Variants in MPRIP observed in about 807,000 individuals in gnomAD.
MPRIP encodes the protein myosin phosphatase Rho-interacting protein.
Under a neutral mutation model 234.9 loss-of-function variants are expected in MPRIP, and 59 were observed. The ratio of observed to expected loss-of-function variants is 0.25; its 90% CI spans 0.20 to 0.31. The LOEUF (loss-of-function observed/expected upper bound fraction) is 0.31, where lower values mean the gene tolerates loss of function less well. Ranked by LOEUF, MPRIP falls within the 10% of genes least tolerant of loss-of-function variation. The pLI is 1.00. For synonymous variants in MPRIP, 1,144 were observed against 1,263.9 expected, an observed-to-expected ratio of 0.91 and a Z score of 2.01; for missense variants, 2,436 against 3,071.0, an observed-to-expected ratio of 0.79 and a Z score of 4.89.
rs1233733897 is a variant in MPRIP, at chr17:17,158,619, C to T, written c.2017C>T (p.Leu673=). The part of the protein sequence containing the change: ...WAEFRPIQQA[L]AQERVGGVGP... ...TGAGTTCCGTCCCATCCAGCAGGCC[C>T]TGGCTCAGGAGCGGGTGGGCGGCGT... is the stretch of plus-strand genomic sequence containing the variant. The change falls in exon 14 of 24, where the codon CTG becomes TTG. Residue 673 remains leucine (L), a synonymous_variant. Coordinates refer to ENST00000651222, the MANE Select transcript of MPRIP (RefSeq NM_001364716.4). 6.2e-7 allele frequency: 1 copy of T among 1,603,798 alleles called. No homozygotes were observed. The highest frequency in any genetic ancestry group is 8.5e-7 in the Non-Finnish European group (1 of 1,175,806).
chr17:17,178,535 A>C (rs886320190), intron 22 of MPRIP: 4 of 151,928 alleles, frequency 2.6e-5, no homozygotes, highest in African/African-American at 9.7e-5. Context: ...TAAGTTTGGC[A>C]TCAATATGGT....
At chr17:17,182,455 C>T (rs970004699) in intron 23 of MPRIP, 7 of 151,774 alleles carry the variant, frequency 4.6e-5, no homozygotes, top group Non-Finnish European at 8.8e-5. Flanking sequence ...TGTGGGGCTA[C>T]AGGAGGCACT....
intron 1 of MPRIP, 118 bp downstream of exon 1, chr17:17,043,089 G>A (rs1165234919): frequency 1.0e-6 from 1 of 989,198 alleles, no homozygotes; most frequent in African/African-American, 1.7e-5. Flanking sequence ...GCGAGTCCTG[G>A]GGCATGGGGA....
chr17:17,136,397 G>A lies in MPRIP; in HGVS notation c.683G>A (p.Ser228Asn). The change falls in exon 6 of 24, where the codon AGC (serine) becomes AAC (asparagine). Residue 228 changes from serine (S) to asparagine (N), a missense_variant. Coordinates refer to ENST00000651222, the MANE Select transcript of MPRIP (RefSeq NM_001364716.4). The part of the protein sequence containing the change: ...SLSPAQSPSQ[S>N]QPPAASSLRE... Reference sequence around the variant, plus strand: ...AGTCCAGCTCAGAGTCCCAGCCAGAGCCAGCCTCCTGCTGCCAGCTCCCTG... The same window carrying A: ...AGTCCAGCTCAGAGTCCCAGCCAGAACCAGCCTCCTGCTGCCAGCTCCCTG... 6.2e-7 allele frequency: 1 copy of A among 1,610,104 alleles called. No individual in the cohort carries two copies. Among genetic ancestry groups the A allele is most frequent in the Non-Finnish European group, 8.5e-7 (1 of 1,178,172 alleles).
At chr17:17,128,148 G>A (rs1255045794) in intron 4 of MPRIP, among the ~76,000 whole-genome samples, 1 of 152,188 alleles carries the variant, frequency 6.6e-6, no homozygotes, top group Non-Finnish European at 1.5e-5. Context: ...GCACTTTCTG[G>A]CTCACACCTG....
intron 1 of MPRIP, among the ~76,000 whole-genome samples, chr17:17,055,068 C>CT (rs1367125942): frequency 2.8e-3 from 408 of 146,230 alleles, no homozygotes; most frequent in Non-Finnish European, 4.0e-3. Context: ...AAAAAAATTT[C>CT]TTTTTTTTTT....
intron 5 of MPRIP, among the ~76,000 whole-genome samples, chr17:17,133,052 C>T (rs901586066): frequency 1.3e-5 from 2 of 152,186 alleles, no homozygotes; most frequent in Non-Finnish European, 2.9e-5. Flanking sequence ...TCAGCCCAGT[C>T]CAGGGAACTT....
chr17:17,077,813 G>T, intron 2 of MPRIP, 198 bp from the exon 3 acceptor site: 1 of 549,334 alleles, frequency 1.8e-6, no homozygotes, highest in Non-Finnish European at 3.3e-6. Context: ...ATTTGGGCCT[G>T]TCTCCCAGCC....
Position 17,165,320 on chromosome 17 carries a change from G to A in MPRIP, c.3729G>A (p.Leu1243=). The change falls in exon 16 of 24, where the codon TTG becomes TTA. Residue 1243 remains leucine (L), a synonymous_variant. Coordinates refer to ENST00000651222, the MANE Select transcript of MPRIP (RefSeq NM_001364716.4). The part of the protein sequence containing the change: ...TPEETERDGT[L]LPGQPVQATR... ...AAGAGACAGAAAGGGATGGCACTTT[G>A]CTCCCAGGCCAACCAGTCCAAGCCA... The A allele has an allele frequency of 2.3e-6, 3 of 1,304,060 alleles. No individual in the cohort carries two copies. Among genetic ancestry groups the A allele is most frequent in the Non-Finnish European group, 3.0e-6 (3 of 988,970 alleles). 80.8% of individuals were successfully genotyped at this position (1,304,060 alleles called of 1,614,324 possible).
intron 14 of MPRIP, among the ~76,000 whole-genome samples, chr17:17,160,940 T>C (rs11654887): frequency 0.15 from 23,338 of 152,192 alleles, 2,613 homozygotes; most frequent in East Asian, 0.31. Context: ...AGGGCGTGCA[T>C]GTTGGAACCT....
At position 17,184,776 on chromosome 17, in the gene MPRIP, G is replaced by A. The variant is rs772308007; in HGVS notation, c.7207-47G>A. 4.8e-6 allele frequency: 7 copies of A among 1,455,410 alleles called. No homozygotes were observed. In the Admixed American group the frequency reaches 8.4e-5, roughly 17 times the overall value. 90.2% of individuals were successfully genotyped at this position (1,455,410 alleles called of 1,614,324 possible). A position where few individuals can be genotyped will look rare whatever the true frequency, so the allele number is the denominator to read the frequency against. ...TGGTCCGGTCCGGTCCAGTGCAGGGGGTCTAACGGTGTGTTTATTTTCTCC... is the reference window on the plus strand; with the variant it reads ...TGGTCCGGTCCGGTCCAGTGCAGGGAGTCTAACGGTGTGTTTATTTTCTCC... On this transcript the variant is annotated intron_variant, in intron 23 of 23. Coordinates refer to ENST00000651222, the MANE Select transcript of MPRIP (RefSeq NM_001364716.4).
intron 1 of MPRIP, among the ~76,000 whole-genome samples, chr17:17,064,384 C>G (rs1204351137): frequency 2.0e-5 from 3 of 151,952 alleles, no homozygotes; most frequent in Non-Finnish European, 2.9e-5. Context: ...AAACTACTTA[C>G]GTTGAGATAA....
chr17:17,169,780 A>G (rs867615791), intron 16 of MPRIP, among the ~76,000 whole-genome samples: 14 of 152,266 alleles, frequency 9.2e-5, no homozygotes, highest in African/African-American at 3.1e-4. Flanking sequence ...GTCTTGGCCT[A>G]ACAGCCGTCC....
At chr17:17,046,717 G>A (rs1378710061) in intron 1 of MPRIP, among the ~76,000 whole-genome samples, 1 of 152,084 alleles carries the variant, frequency 6.6e-6, no homozygotes, top group African/African-American at 2.4e-5. Flanking sequence ...TTTAGGTCAG[G>A]GGTCTGCAAA....
At chr17:17,097,918 CG>C (rs2089882201) in intron 3 of MPRIP, among the ~76,000 whole-genome samples, 1 of 152,282 alleles carries the variant, frequency 6.6e-6, no homozygotes, top group African/African-American at 2.4e-5. Context: ...CTTTGAGAAC[CG>C]AGGTAGCCTG....
chr17:17,053,183 A>G (rs1399346510), intron 1 of MPRIP, among the ~76,000 whole-genome samples: 4 of 151,990 alleles, frequency 2.6e-5, no homozygotes, highest in Non-Finnish European at 5.9e-5. Flanking sequence ...ACACAGTCCC[A>G]CTTTTCATTT....
At chr17:17,095,713 C>A (rs889899053) in intron 3 of MPRIP, among the ~76,000 whole-genome samples, 1 of 152,140 alleles carries the variant, frequency 6.6e-6, no homozygotes, top group Non-Finnish European at 1.5e-5. Flanking sequence ...ATTCTCTGGC[C>A]AGAGCCAAGC....
chr17:17,136,184 T>C, intron 5 of MPRIP, 35 bp from the exon 6 acceptor site: 1 of 1,613,006 alleles, frequency 6.2e-7, no homozygotes, highest in Non-Finnish European at 8.5e-7. Flanking sequence ...TGTGTGCTCC[T>C]GCACCTTCAC....
In MPRIP at chr17:17,093,341, A is replaced by C. The variant is rs552195963; in HGVS notation, c.267+15265A>C. Among the ~76,000 whole-genome samples the C allele has an allele frequency of 2.6e-5, 4 of 152,302 alleles. No individual in the cohort carries two copies. The East Asian group carries it at 7.7e-4, about 29-fold the overall frequency. On this transcript the variant is annotated intron_variant, in intron 3 of 23. Coordinates refer to ENST00000651222, the MANE Select transcript of MPRIP (RefSeq NM_001364716.4). ...AGGGAAACAATCTTTATTTCCAATG[A>C]AGAATTTTATGTATAAACACACCTA...
Sources: gnomAD v4.1 joint callset for allele counts (sites outside exome capture counted in the v4.1 genomes callset) on GRCh38, gnomAD v4.1.1 for gene constraint, MANE v1.5 for transcripts, NCBI Gene and HGNC (gene_info 2026-07-23, HGNC 2026-07-21) for gene names.